FAM135B: variants seen among roughly 807,000 people sequenced by gnomAD.
FAM135B encodes the protein family with sequence similarity 135 member B.
In FAM135B, 43 loss-of-function variants were observed where a neutral mutation model predicts 127.7. That is an observed-to-expected ratio of 0.34 (90% confidence interval 0.26 to 0.43). The LOEUF is 0.43. Among genes scored for constraint, FAM135B ranks in the 20% least tolerant of loss-of-function variants. FAM135B has a pLI of 1.00. For synonymous variants in FAM135B, 670 were observed against 665.1 expected, an observed-to-expected ratio of 1.01 and a Z score of -0.11; for missense variants, 1,558 against 1,725.6, an observed-to-expected ratio of 0.90 and a Z score of 1.72.
intron 2 of FAM135B, among the ~76,000 whole-genome samples, chr8:138,360,934 T>A (rs952860143): frequency 2.0e-5 from 3 of 151,958 alleles, no homozygotes; most frequent in African/African-American, 7.2e-5. Context: ...TCTTCTTTTT[T>A]TTTTTTTTTC....
intron 1 of FAM135B, among the ~76,000 whole-genome samples, chr8:138,443,150 A>T (rs146946712): frequency 6.6e-6 from 1 of 152,276 alleles, no homozygotes; most frequent in African/African-American, 2.4e-5. Flanking sequence ...ATCCACCCTG[A>T]TGCCAGGCCA....
At chr8:138,356,774 C>A (rs942245975) in intron 2 of FAM135B, among the ~76,000 whole-genome samples, 1 of 152,110 alleles carries the variant, frequency 6.6e-6, no homozygotes. Flanking sequence ...TCTGTGGAGC[C>A]ACGGAAACCC....
chr8:138,273,419 T>C (rs1823543741), intron 3 of FAM135B, among the ~76,000 whole-genome samples: 1 of 152,230 alleles, frequency 6.6e-6, no homozygotes, highest in Non-Finnish European at 1.5e-5. Flanking sequence ...TTAGTCAGGC[T>C]GATCTCAGAC....
chr8:138,136,679 C>T (rs1288584848), intron 19 of FAM135B, among the ~76,000 whole-genome samples: 1 of 152,208 alleles, frequency 6.6e-6, no homozygotes, highest in Admixed American at 6.5e-5. Flanking sequence ...TCCTACCTAT[C>T]CTTTAAAACC....
intron 7 of FAM135B, among the ~76,000 whole-genome samples, chr8:138,223,250 G>A (rs1289620855): frequency 6.6e-6 from 1 of 152,214 alleles, no homozygotes; most frequent in Non-Finnish European, 1.5e-5. Flanking sequence ...CCATTTATGA[G>A]AAGCCTGTTA....
At chr8:138,454,054 G>C (rs1836642476) in intron 1 of FAM135B, among the ~76,000 whole-genome samples, 1 of 151,964 alleles carries the variant, frequency 6.6e-6, no homozygotes, top group Admixed American at 6.6e-5. Context: ...AGGACCAGGT[G>C]GGGGTCACTG....
intron 12 of FAM135B, among the ~76,000 whole-genome samples, chr8:138,160,864 T>C (rs1819317608): frequency 1.3e-5 from 2 of 152,216 alleles, no homozygotes; most frequent in Non-Finnish European, 2.9e-5. Flanking sequence ...TAATCCCCAT[T>C]TGTAAATATC....
chr8:138,156,763 T>C (rs544797378), intron 12 of FAM135B, among the ~76,000 whole-genome samples: 1 of 152,316 alleles, frequency 6.6e-6, no homozygotes, highest in South Asian at 2.1e-4. Context: ...GCTGAATCTC[T>C]GAATAGATCA....
chr8:138,411,475 G>A (rs4492385), intron 1 of FAM135B, among the ~76,000 whole-genome samples: 12,838 of 151,776 alleles, frequency 0.085, 898 homozygotes, highest in East Asian at 0.2. Flanking sequence ...CACCTTATAC[G>A]AAAATCAATT....
At chr8:138,392,521 A>G (rs73717250) in intron 1 of FAM135B, among the ~76,000 whole-genome samples, 52,328 of 151,422 alleles carry the variant, frequency 0.35, 9,389 homozygotes, top group Non-Finnish European at 0.38. Flanking sequence ...CAACCTGTCC[A>G]CCTCTCCCCA....
Position 138,167,913 on chromosome 8 carries a change from C to T in FAM135B, c.1240G>A (p.Val414Met), listed in dbSNP as rs746491916. Reference sequence around the variant, plus strand: ...GACAAACCTGTCGCAGGGCAGTCCACGTATCTGTCCTCAAAGATCACCGGC... The same window carrying T: ...GACAAACCTGTCGCAGGGCAGTCCATGTATCTGTCCTCAAAGATCACCGGC... ...TLPVIFEDRY[V>M]DCPATGHNLS... is the part of the protein sequence containing the mutation. The change falls in exon 12 of 20, where the codon GTG (valine) becomes ATG (methionine). Residue 414 changes from valine to methionine, a missense_variant. By Grantham distance (21) the Val-to-Met change is conservative (BLOSUM62 1). This residue lies in a region of FAM135B where 115 missense variants were observed against 171.1 expected (regional missense o/e 0.67). Transcript: ENST00000395297. 1.2e-6 allele frequency: 2 copies of T among 1,613,178 alleles called. No individual in the cohort carries two copies. Among genetic ancestry groups the T allele is most frequent in the Admixed American group, 1.7e-5 (1 of 59,914 alleles).
At chr8:138,434,372 G>C (rs1486916815) in intron 1 of FAM135B, among the ~76,000 whole-genome samples, 2 of 152,180 alleles carry the variant, frequency 1.3e-5, no homozygotes, top group East Asian at 1.9e-4. Flanking sequence ...CACACACTGA[G>C]CATTTGCTCT....
chr8:138,202,341 C>A, intron 7 of FAM135B, among the ~76,000 whole-genome samples: 1 of 152,024 alleles, frequency 6.6e-6, no homozygotes, highest in Non-Finnish European at 1.5e-5. Context: ...CCTCGGCCTC[C>A]TAAGAGCAAG....
chr8:138,184,205 T>G (rs1028469266), intron 9 of FAM135B, among the ~76,000 whole-genome samples: 1 of 152,070 alleles, frequency 6.6e-6, no homozygotes, highest in African/African-American at 2.4e-5. Context: ...AAAGATACTG[T>G]TTTTGCCCCC....
At chr8:138,320,749 G>A (rs922685769) in intron 2 of FAM135B, among the ~76,000 whole-genome samples, 7 of 152,120 alleles carry the variant, frequency 4.6e-5, no homozygotes, top group African/African-American at 1.7e-4. Flanking sequence ...GACTGATGTG[G>A]TTGGCATTCA....
chr8:138,426,012 T>C (rs866304463), intron 1 of FAM135B, among the ~76,000 whole-genome samples: 524 of 14,890 alleles, frequency 0.035, 7 homozygotes, highest in Non-Finnish European at 0.05. Context: ...TATATATATA[T>C]ACACACACAT....
At chr8:138,378,553 C>T (rs1481539900) in intron 1 of FAM135B, among the ~76,000 whole-genome samples, 1 of 152,128 alleles carries the variant, frequency 6.6e-6, no homozygotes, top group Non-Finnish European at 1.5e-5. Context: ...TTACCTACAC[C>T]CTCACCAACT....
intron 7 of FAM135B, among the ~76,000 whole-genome samples, chr8:138,227,186 A>G (rs1008115079): frequency 2.0e-5 from 3 of 152,358 alleles, no homozygotes; most frequent in African/African-American, 7.2e-5. Context: ...GACCTTTGAC[A>G]TGGCTGTTGC....
rs1219839083 is a variant in FAM135B, at chr8:138,243,769, T to C, written c.543-701A>G. 6.6e-6 allele frequency among the ~76,000 whole-genome samples: 1 copy of C among 152,248 alleles called. No individual in the cohort carries two copies. Among genetic ancestry groups the C allele is most frequent in the African/African-American group, 2.4e-5 (1 of 41,462 alleles). On this transcript the variant is annotated intron_variant, in intron 6 of 19. Transcript: ENST00000395297. This position sits in a 1 kb window ranked among gnomAD's most constrained non-coding sequence, Gnocchi z 7.5. ...ATTTGAGTTTATGATCATCTTCCTC[T>C]ATCTTTACCTGTTTGATTTTCATCA...
Sources: allele counts gnomAD v4.1 joint callset (sites outside exome capture counted in the v4.1 genomes callset), GRCh38; gene constraint gnomAD v4.1.1; regional missense constraint gnomAD v4.1.1; non-coding constraint Gnocchi (gnomAD v3.1); transcripts MANE v1.5; gene names NCBI Gene and HGNC (gene_info 2026-07-23, HGNC 2026-07-21).